Variants in HDAC8 observed in about 807,000 individuals in gnomAD.
HDAC8 encodes histone deacetylase-like 1.
A neutral mutation model predicts 32.2 loss-of-function variants in HDAC8; 1 was observed. The observed-to-expected ratio is 0.03, with a 90% CI of 0.01 to 0.15. The LOEUF (loss-of-function observed/expected upper bound fraction) is 0.15. Among genes scored for constraint, HDAC8 ranks in the 10% least tolerant of loss-of-function variants. The pLI, the probability that HDAC8 is intolerant of heterozygous loss-of-function variation, is 1.00. For synonymous variants in HDAC8, 108 were observed against 113.9 expected (o/e 0.95, Z 0.33); for missense variants, 117 against 300.0 (o/e 0.39, Z 4.51).
chrX:72,478,759 G>A (rs782142530), intron 7 of HDAC8, among the ~76,000 whole-genome samples: 3 of 106,519 alleles, frequency 2.8e-5, no homozygotes, highest in African/African-American at 6.9e-5. Flanking sequence ...GTTTTCAAGC[G>A]ATTCAATCTG....
rs1440924732 is a variant in HDAC8, at chrX:72,387,624, C to G, written c.1006-35786G>C. 4.5e-5 allele frequency among the ~76,000 whole-genome samples: 5 copies of G among 111,738 alleles called. No homozygotes were observed. In the Admixed American group the frequency reaches 4.8e-4, roughly 11 times the overall value. Reference sequence around the variant, plus strand: ...AATTCTGTCAACTTGGGCAAGCCATCTATGAAATGGGGATAATAATAGTTG... The same window carrying G: ...AATTCTGTCAACTTGGGCAAGCCATGTATGAAATGGGGATAATAATAGTTG... On this transcript the variant is annotated intron_variant, in intron 9 of 10. Transcript: ENST00000373573.
chrX:72,499,256 T>C (rs1243095419), intron 4 of HDAC8, among the ~76,000 whole-genome samples: 2 of 111,880 alleles, frequency 1.8e-5, no homozygotes, highest in Admixed American at 9.5e-5. Context: ...GGCTAATCAT[T>C]ATGTATATAG....
chrX:72,401,320 A>T (rs1555967302), intron 9 of HDAC8, among the ~76,000 whole-genome samples: 1 of 111,515 alleles, frequency 9.0e-6, no homozygotes, highest in Admixed American at 9.5e-5. Flanking sequence ...CTGCAACCTC[A>T]ACCTCCTGGG....
intron 9 of HDAC8, among the ~76,000 whole-genome samples, chrX:72,361,727 A>T (rs2044558079): frequency 9.1e-6 from 1 of 110,277 alleles, no homozygotes; most frequent in South Asian, 3.9e-4. Flanking sequence ...ACCAAAAAAA[A>T]AAAAAAATAA....
At chrX:72,442,763 C>A (rs2047200568) in intron 9 of HDAC8, among the ~76,000 whole-genome samples, 1 of 111,676 alleles carries the variant, frequency 9.0e-6, no homozygotes, top group South Asian at 3.7e-4. Flanking sequence ...GAATCAAGAC[C>A]CATCAGTGTG....
intron 10 of HDAC8, among the ~76,000 whole-genome samples, chrX:72,348,934 C>A (rs184480310): frequency 1.8e-5 from 2 of 112,054 alleles, no homozygotes; most frequent in Non-Finnish European, 3.8e-5. Context: ...AGTCCAATCA[C>A]CCTCCCCCAA....
chrX:72,428,296 G>A (rs1176875967), intron 9 of HDAC8, among the ~76,000 whole-genome samples: 3 of 112,039 alleles, frequency 2.7e-5, no homozygotes, highest in Non-Finnish European at 5.6e-5. Flanking sequence ...GTTTCACCAC[G>A]TTGGTCAGGC....
chrX:72,367,279 C>T (rs1369804419), intron 9 of HDAC8, among the ~76,000 whole-genome samples: 2 of 112,151 alleles, frequency 1.8e-5, no homozygotes, highest in Non-Finnish European at 3.8e-5. Context: ...CCTCCTCTGC[C>T]CAGGCCCACA....
intron 4 of HDAC8, among the ~76,000 whole-genome samples, chrX:72,533,172 G>T (rs1372317177): frequency 1.8e-5 from 2 of 111,737 alleles, no homozygotes; most frequent in African/African-American, 6.5e-5. Context: ...GACCATGGAT[G>T]TGTGGGGTTT....
In HDAC8 at chrX:72,558,488, A is replaced by G. The variant is rs782377705; in HGVS notation, c.437+9401T>C. 3.6e-5 allele frequency among the ~76,000 whole-genome samples: 4 copies of G among 112,316 alleles called. No individual in the cohort carries two copies. In the South Asian group the frequency reaches 1.1e-3, roughly 31 times the overall value. On this transcript the variant is annotated intron_variant, in intron 4 of 10. Transcript: ENST00000373573. Reference sequence around the variant, plus strand: ...AAACAGAATTAAAAACAAAAATCGCATGATCATCTCAATAGATGCAGAAAA... The same window carrying G: ...AAACAGAATTAAAAACAAAAATCGCGTGATCATCTCAATAGATGCAGAAAA...
chrX:72,547,926 C>G (rs146369849), intron 4 of HDAC8, among the ~76,000 whole-genome samples: 207 of 111,696 alleles, frequency 1.9e-3, no homozygotes, highest in African/African-American at 6.1e-3. Flanking sequence ...CCTCCCACAT[C>G]TAGTTAATCA....
Position 72,410,390 on chromosome X carries a change from G to A in HDAC8, c.1005+51614C>T, listed in dbSNP as rs142558194. ...CAAGCAGAGGCAGATTTAGGGAGCT[G>A]TACAAAAGGACCAGGCTGGATGTGG... On this transcript the variant is annotated intron_variant, in intron 9 of 10. Transcript: ENST00000373573. 1.3e-3 allele frequency among the ~76,000 whole-genome samples: 141 copies of A among 111,119 alleles called. 2 individuals carry two copies. Among genetic ancestry groups the A allele is most frequent in the African/African-American group, 4.2e-3 (129 of 30,561 alleles).
chrX:72,411,313 C>T (rs188537258), intron 9 of HDAC8, among the ~76,000 whole-genome samples: 23 of 111,122 alleles, frequency 2.1e-4, no homozygotes, highest in Admixed American at 1.5e-3. Context: ...CATGAGCCAC[C>T]GCTCCCGGCT....
chrX:72,335,215 C>T lies in HDAC8; in HGVS notation c.1112-5139G>A, dbSNP rs141970050. Among the ~76,000 whole-genome samples the T allele has an allele frequency of 5.9e-3, 657 of 111,894 alleles. 10 individuals carry two copies. Among genetic ancestry groups the T allele is most frequent in the African/African-American group, 0.02 (610 of 30,799 alleles). On this transcript the variant is annotated intron_variant, in intron 10 of 10. Transcript: ENST00000373573. ...ATCATTAACTTAAGTCCACTGTTTA[C>T]GTTAAGATTCGCTTTTGGTCTTGCA...
intron 7 of HDAC8, among the ~76,000 whole-genome samples, chrX:72,465,811 G>A (rs2048002821): frequency 9.0e-6 from 1 of 111,464 alleles, no homozygotes; most frequent in Non-Finnish European, 1.9e-5. Context: ...AAAGAATTCA[G>A]GGACATAAAA....
At chrX:72,362,923 T>C (rs2044596638) in intron 9 of HDAC8, among the ~76,000 whole-genome samples, 1 of 110,683 alleles carries the variant, frequency 9.0e-6, no homozygotes, top group Non-Finnish European at 1.9e-5. Context: ...GAGGAGGGAA[T>C]GAGAAACTTG....
At chrX:72,465,014 T>C (rs1336218915) in intron 7 of HDAC8, among the ~76,000 whole-genome samples, 1 of 111,992 alleles carries the variant, frequency 8.9e-6, no homozygotes, top group African/African-American at 3.2e-5. Flanking sequence ...GAAATATTCA[T>C]ATTAATTTAA....
intron 10 of HDAC8, among the ~76,000 whole-genome samples, chrX:72,347,137 G>A (rs781808597): frequency 9.0e-6 from 1 of 111,637 alleles, no homozygotes; most frequent in Non-Finnish European, 1.9e-5. Flanking sequence ...GAATAAAGGC[G>A]ATCTTGGCCA....
chrX:72,489,045 TA>T lies in HDAC8; in HGVS notation c.629-5del, dbSNP rs781846647. ...ACATCAGACACGTCACCTGTTCCTATAAAAGAGAAGAGCACTATGATCAGTT... is the reference window on the plus strand; with the variant it reads ...ACATCAGACACGTCACCTGTTCCTATAAAGAGAAGAGCACTATGATCAGTT... On this transcript the variant is annotated splice_region_variant and splice_polypyrimidine_tract_variant and intron_variant, in intron 6 of 10. Coordinates refer to ENST00000373573, the MANE Select transcript of HDAC8 (RefSeq NM_018486.3). 1 of 1,148,721 alleles carries T rather than the reference TA, an allele frequency of 8.7e-7. No homozygotes were observed. The highest frequency in any genetic ancestry group is 2.0e-5 in the South Asian group (1 of 51,154). 94.7% of individuals were successfully genotyped at this position (1,148,721 alleles called of 1,213,427 possible).
Sources: allele counts gnomAD v4.1 joint callset (sites outside exome capture counted in the v4.1 genomes callset), GRCh38; gene constraint gnomAD v4.1.1; transcripts MANE v1.5; gene names NCBI Gene and HGNC (gene_info 2026-07-23, HGNC 2026-07-21).